Variants in AKAP6 observed in about 807,000 individuals in gnomAD.
AKAP6 encodes A-kinase anchor protein 6.
A neutral mutation model predicts 188.5 loss-of-function variants in AKAP6; 58 were observed. The observed-to-expected ratio is 0.31, with a 90% CI of 0.25 to 0.38. The LOEUF (loss-of-function observed/expected upper bound fraction) is 0.38, where lower values mean the gene tolerates loss of function less well. AKAP6 is among the 10% of genes least tolerant of loss of function. The probability of loss-of-function intolerance (pLI) is 1.00; values close to 1 mark genes in which losing one functional copy is unlikely to be tolerated. For synonymous variants in AKAP6, 989 were observed against 998.6 expected (o/e 0.99, Z 0.18); for missense variants, 2,710 against 2,740.0 (o/e 0.99, Z 0.24).
At chr14:32,487,346 G>C (rs113615446) in intron 2 of AKAP6, among the ~76,000 whole-genome samples, 3,377 of 152,318 alleles carry the variant, frequency 0.022, 128 homozygotes, top group African/African-American at 0.076. Flanking sequence ...ATGAGGTATG[G>C]AGGAGTCCCT....
At chr14:32,649,713 A>G (rs1174748179) in intron 7 of AKAP6, among the ~76,000 whole-genome samples, 1 of 152,214 alleles carries the variant, frequency 6.6e-6, no homozygotes, top group Non-Finnish European at 1.5e-5. Flanking sequence ...GCAATAATAA[A>G]TCACTTTACA....
intron 12 of AKAP6, among the ~76,000 whole-genome samples, chr14:32,790,416 A>G (rs2033572028): frequency 6.6e-6 from 1 of 152,054 alleles, no homozygotes. Context: ...AAGACACATA[A>G]TCATCAGATT....
intron 2 of AKAP6, among the ~76,000 whole-genome samples, chr14:32,467,123 C>T (rs907492573): frequency 2.0e-5 from 3 of 148,656 alleles, no homozygotes. Context: ...GGTGACGAGA[C>T]AATTTTTTCA....
intron 4 of AKAP6, among the ~76,000 whole-genome samples, chr14:32,557,893 A>G (rs1005699207): frequency 1.3e-5 from 2 of 151,896 alleles, no homozygotes; most frequent in African/African-American, 4.8e-5. Context: ...CCTTGAGAGT[A>G]TCTTCTACTT....
chr14:32,631,077 A>G (rs1211097833), intron 7 of AKAP6, among the ~76,000 whole-genome samples: 1 of 152,056 alleles, frequency 6.6e-6, no homozygotes, highest in Non-Finnish European at 1.5e-5. Flanking sequence ...TCATATTTTT[A>G]TTAAGAAATA....
chr14:32,350,559 C>T (rs916903642), intron 1 of AKAP6, among the ~76,000 whole-genome samples: 36 of 152,062 alleles, frequency 2.4e-4, no homozygotes, highest in African/African-American at 8.7e-4. Context: ...AATGAAAAAA[C>T]TGGTGAAATA....
At chr14:32,483,469 C>CT (rs200248343) in intron 2 of AKAP6, among the ~76,000 whole-genome samples, 1 of 151,642 alleles carries the variant, frequency 6.6e-6, no homozygotes. Context: ...GGTTTTGTGT[C>CT]TTTTTTAAAA....
chr14:32,460,378 G>T (rs1170607021), intron 2 of AKAP6, among the ~76,000 whole-genome samples: 1 of 152,212 alleles, frequency 6.6e-6, no homozygotes, highest in Non-Finnish European at 1.5e-5. Context: ...TTCCAACTGA[G>T]TTACCCATTT....
At chr14:32,586,953 T>C (rs967249567) in intron 5 of AKAP6, among the ~76,000 whole-genome samples, 1 of 152,244 alleles carries the variant, frequency 6.6e-6, no homozygotes, top group Non-Finnish European at 1.5e-5. Flanking sequence ...TTGTAACGTA[T>C]TACCAAACTG....
At chr14:32,456,051 TAGA>T (rs1263292652) in intron 2 of AKAP6, among the ~76,000 whole-genome samples, 4 of 152,050 alleles carry the variant, frequency 2.6e-5, no homozygotes, top group African/African-American at 9.7e-5. Flanking sequence ...TTTTCGGTGG[TAGA>T]GGAGCATATG....
chr14:32,497,747 A>C (rs143507213), intron 2 of AKAP6, among the ~76,000 whole-genome samples: 15 of 152,044 alleles, frequency 9.9e-5, no homozygotes, highest in African/African-American at 3.1e-4. Context: ...AAAATCTCCA[A>C]TTAAAATTGT....
chr14:32,726,835 G>A (rs888999691), intron 9 of AKAP6, among the ~76,000 whole-genome samples: 1 of 152,208 alleles, frequency 6.6e-6, no homozygotes, highest in African/African-American at 2.4e-5. Context: ...GGCTGTCAGA[G>A]GTCATCTGCA....
intron 1 of AKAP6, among the ~76,000 whole-genome samples, chr14:32,354,915 T>C (rs1429460791): frequency 6.6e-6 from 1 of 152,204 alleles, no homozygotes; most frequent in Non-Finnish European, 1.5e-5. Context: ...TGTAACTAAC[T>C]GTCAGTTCAG....
intron 2 of AKAP6, among the ~76,000 whole-genome samples, chr14:32,476,679 G>A (rs373784915): frequency 4.3e-4 from 66 of 152,258 alleles, no homozygotes; most frequent in Middle Eastern, 3.4e-3. Context: ...GGGATTTTCC[G>A]TAAGTGTTAC....
chr14:32,778,377 T>C (rs2033132536), intron 12 of AKAP6, among the ~76,000 whole-genome samples: 1 of 152,144 alleles, frequency 6.6e-6, no homozygotes, highest in Admixed American at 6.5e-5. Flanking sequence ...ATTTATAACA[T>C]ATGTAGAAGT....
In AKAP6 at chr14:32,585,473, G is replaced by A. The variant is rs201395319; in HGVS notation, c.2469+8231G>A. Among the ~76,000 whole-genome samples the A allele has an allele frequency of 2.7e-5, 4 of 147,704 alleles. No homozygotes were observed. In the East Asian group the frequency reaches 8.2e-4, roughly 30 times the overall value. Reference sequence around the variant, plus strand: ...TAAATGAGGACTGTGGGGGAAAATGGTGACTATGAACTATATATATGTGTG... The same window carrying A: ...TAAATGAGGACTGTGGGGGAAAATGATGACTATGAACTATATATATGTGTG... On this transcript the variant is annotated intron_variant, in intron 5 of 13. Transcript: ENST00000280979.
intron 2 of AKAP6, among the ~76,000 whole-genome samples, chr14:32,494,881 C>T (rs888188533): frequency 6.6e-5 from 10 of 152,098 alleles, no homozygotes; most frequent in African/African-American, 2.4e-4. Flanking sequence ...AACTACACCC[C>T]ATGTTGTGGG....
chr14:32,680,190 C>T (rs142243143), intron 8 of AKAP6, among the ~76,000 whole-genome samples: 6 of 152,230 alleles, frequency 3.9e-5, no homozygotes, highest in African/African-American at 7.2e-5. Flanking sequence ...TGTTTATGCT[C>T]CTTGGGGTGC....
chr14:32,347,459 C>T (rs1490544384), intron 1 of AKAP6, among the ~76,000 whole-genome samples: 1 of 152,232 alleles, frequency 6.6e-6, no homozygotes, highest in Non-Finnish European at 1.5e-5. Context: ...CTGTACATTT[C>T]AGGCATTGCT....
Sources: gnomAD v4.1 joint callset for allele counts (sites outside exome capture counted in the v4.1 genomes callset) on GRCh38, gnomAD v4.1.1 for gene constraint, MANE v1.5 for transcripts, NCBI Gene and HGNC (gene_info 2026-07-23, HGNC 2026-07-21) for gene names.